The following GUSB variants were observed in gnomAD, a reference collection of about 807,000 sequenced individuals.
GUSB encodes beta-glucuronidase.
In GUSB, 51 loss-of-function variants were observed where a neutral mutation model predicts 74.6. The ratio of observed to expected loss-of-function variants is 0.68; its 90% CI spans 0.55 to 0.86. The LOEUF (loss-of-function observed/expected upper bound fraction) is 0.86, where lower values mean the gene tolerates loss of function less well. Among genes scored for constraint, GUSB ranks in the 40% least tolerant of loss-of-function variants. GUSB has a pLI of 0.00. For missense variants in GUSB, 736 were observed against 853.7 expected (o/e 0.86, Z 1.72); for synonymous variants, 360 against 348.3 (o/e 1.03, Z -0.37).
At chr7:65,975,977 A>G (rs1244648153) in intron 5 of GUSB, 38 bp downstream of exon 5, 2 of 1,584,410 alleles carry the variant, frequency 1.3e-6, no homozygotes, top group East Asian at 4.5e-5. Flanking sequence ...ACATGGGGGC[A>G]AAAGACCTCC....
Position 65,967,733 on chromosome 7 carries a change from G to T in GUSB, c.1651C>A (p.Gln551Lys). 6.2e-7 allele frequency: 1 copy of T among 1,612,718 alleles called. No individual in the cohort carries two copies. The highest frequency in any genetic ancestry group is 1.1e-5 in the South Asian group (1 of 91,024). ...GCAGAAAGCTCAACACTGCTTACCT[G>T]GTGAAACCCTGCAATCGTTTCTGCT... ...YGAETIAGFHQDPPLMFTEEY... is the reference protein window; with the variant it reads ...YGAETIAGFHKDPPLMFTEEY... The change falls in exon 10 of 12, where the codon CAG becomes AAG. Residue 551 changes from glutamine (Q) to lysine (K), a missense_variant and splice_region_variant. Gln to Lys is a moderately conservative substitution (Grantham distance 53). Coordinates refer to ENST00000304895, the MANE Select transcript of GUSB (RefSeq NM_000181.4).
At chr7:65,965,867 TTTC>T (rs1165356639) in intron 10 of GUSB, among the ~76,000 whole-genome samples, 2 of 151,778 alleles carry the variant, frequency 1.3e-5, no homozygotes, top group Admixed American at 6.6e-5. Context: ...CTCTCAAGAG[TTTC>T]TTAAGAATTC....
At chr7:65,980,944 T>C in intron 1 of GUSB, 1 of 205,452 alleles carries the variant, frequency 4.9e-6, no homozygotes, top group Non-Finnish European at 1.0e-5. Context: ...AGGGGTGGCG[T>C]CCTGGGCCTG....
chr7:65,981,814 C>T (rs1044178752), intron 1 of GUSB, 160 bp downstream of exon 1: 3 of 631,916 alleles, frequency 4.7e-6, no homozygotes, highest in Non-Finnish European at 8.0e-6. Flanking sequence ...GCTCCTGTTC[C>T]CCCGTCCCCC....
At chr7:65,979,685 C>A (rs754898172) in intron 3 of GUSB, 42 bp downstream of exon 3, 2 of 1,597,006 alleles carry the variant, frequency 1.3e-6, no homozygotes, top group Non-Finnish European at 1.7e-6. Context: ...CAGGGTGGGG[C>A]GGGAAGGTGG....
chr7:65,976,453 G>A (rs543107743), intron 4 of GUSB, among the ~76,000 whole-genome samples: 2 of 151,888 alleles, frequency 1.3e-5, no homozygotes, highest in Admixed American at 6.6e-5. Context: ...AGCCTCCCAA[G>A]TACCTGGGAT....
intron 8 of GUSB, among the ~76,000 whole-genome samples, chr7:65,972,833 G>A (rs12535204): frequency 0.32 from 49,093 of 152,034 alleles, 8,955 homozygotes; most frequent in East Asian, 0.46. Context: ...ACACCCCTGT[G>A]CCCCCAAGCT....
chr7:65,980,096 G>A, intron 2 of GUSB, 128 bp downstream of exon 2: 1 of 1,002,130 alleles, frequency 1.0e-6, no homozygotes, highest in Non-Finnish European at 1.5e-6. Context: ...ACAGCCCCCA[G>A]GGCAGGGCAG....
chr7:65,972,999 C>T (rs1336517091), intron 8 of GUSB, among the ~76,000 whole-genome samples: 1 of 152,196 alleles, frequency 6.6e-6, no homozygotes, highest in Non-Finnish European at 1.5e-5. Flanking sequence ...AGTGAAAAAT[C>T]CAACTCTGAA....
chr7:65,979,556 C>CT lies in GUSB; in HGVS notation c.582-16dup. ...CCTTGGGATACCTAGGATGGGAGGA[C>CT]TGTGGTTTGCTGGGCCCTTGCTCTG... On this transcript the variant is annotated splice_polypyrimidine_tract_variant and intron_variant, in intron 3 of 11. Transcript: ENST00000304895. 6.2e-7 allele frequency: 1 copy of CT among 1,614,104 alleles called. No individual in the cohort carries two copies. The highest frequency in any genetic ancestry group is 8.5e-7 in the Non-Finnish European group (1 of 1,179,992).
chr7:65,975,156 C>T, intron 5 of GUSB, 85 bp from the exon 6 acceptor site: 2 of 1,208,288 alleles, frequency 1.7e-6, no homozygotes, highest in Non-Finnish European at 2.4e-6. Flanking sequence ...GCCCCTCGTG[C>T]ACCCCAGCAG....
chr7:65,980,507 A>T, intron 1 of GUSB, 98 bp from the exon 2 acceptor site: 2 of 1,090,210 alleles, frequency 1.8e-6, no homozygotes, highest in Non-Finnish European at 2.8e-6. Flanking sequence ...ACAAGCCCTG[A>T]CACATAGCGG....
At position 65,980,227 on chromosome 7, in the gene GUSB, G is replaced by A. The variant is rs1452631377; in HGVS notation, c.393C>T (p.Ile131=). ...LRIGSAHSYA[I]VWVNGVDTLE... is the part of the protein sequence containing the mutation. ...GCCTGCTCCTGGCCGCACTGACCAC[G>A]ATGGCATAGGAATGGGCACTGCCAA... Residue 131 remains isoleucine, a synonymous_variant, in exon 2 of 12, where the codon ATC becomes ATT. Coordinates refer to ENST00000304895, the MANE Select transcript of GUSB (RefSeq NM_000181.4). 2.8e-6 allele frequency: 3 copies of A among 1,059,560 alleles called. No individual in the cohort carries two copies. The highest frequency in any genetic ancestry group is 1.2e-5 in the South Asian group (1 of 80,120). 65.6% of individuals were successfully genotyped at this position (1,059,560 alleles called of 1,614,324 possible). A position where few individuals can be genotyped will look rare whatever the true frequency, so the allele number is the denominator to read the frequency against.
intron 4 of GUSB, among the ~76,000 whole-genome samples, chr7:65,978,614 A>T (rs1370988354): frequency 6.6e-6 from 1 of 151,530 alleles, no homozygotes; most frequent in Non-Finnish European, 1.5e-5. Flanking sequence ...CTAAAAAAAA[A>T]TAGAAAAATT....
Position 65,974,882 on chromosome 7 carries a change from A to C in GUSB, c.1065+37T>G, listed in dbSNP as rs1482715916. 3.7e-6 allele frequency: 6 copies of C among 1,608,528 alleles called. No individual in the cohort carries two copies. In the South Asian group the frequency reaches 6.6e-5, roughly 18 times the overall value. ...GAAGGCGAAAGTGGAGGGTGACCAG[A>C]AGCAGCCCCGACAAGGACCCAGGAG... is the stretch of plus-strand genomic sequence containing the variant. On this transcript the variant is annotated intron_variant, in intron 6 of 11. Coordinates refer to ENST00000304895, the MANE Select transcript of GUSB (RefSeq NM_000181.4).
chr7:65,977,564 A>G (rs566747099), intron 4 of GUSB, among the ~76,000 whole-genome samples: 1 of 151,032 alleles, frequency 6.6e-6, no homozygotes, highest in Non-Finnish European at 1.5e-5. Context: ...TTATTTATTT[A>G]TTTTTTTCTT....
intron 10 of GUSB, 41 bp downstream of exon 10, chr7:65,967,690 C>T (rs1167402261): frequency 1.3e-6 from 2 of 1,548,584 alleles, no homozygotes; most frequent in East Asian, 2.2e-5. Flanking sequence ...GACATCTCTG[C>T]CCTGAGAGAA....
At chr7:65,964,291 T>A in intron 11 of GUSB, 32 bp downstream of exon 11, 1 of 1,592,058 alleles carries the variant, frequency 6.3e-7, no homozygotes, top group Non-Finnish European at 8.6e-7. Context: ...TGAGGACGGG[T>A]ACGTTATCCC....
intron 1 of GUSB, chr7:65,981,702 T>G: frequency 2.7e-6 from 1 of 365,150 alleles, no homozygotes; most frequent in East Asian, 4.0e-5. Flanking sequence ...TAAAAATAAA[T>G]ATTGAAAGGA....
Sources: allele counts gnomAD v4.1 joint callset (sites outside exome capture counted in the v4.1 genomes callset), GRCh38; gene constraint gnomAD v4.1.1; transcripts MANE v1.5; gene names NCBI Gene and HGNC (gene_info 2026-07-23, HGNC 2026-07-21).